Variants in NEK5 observed in about 807,000 individuals in gnomAD.
NEK5 encodes serine/threonine-protein kinase Nek5.
In NEK5, 88 loss-of-function variants were observed where a neutral mutation model predicts 109.2. The ratio of observed to expected loss-of-function variants is 0.81; its 90% CI spans 0.68 to 0.96. The LOEUF is 0.96. Among genes scored for constraint, NEK5 ranks in the 40% least tolerant of loss-of-function variants. The probability of loss-of-function intolerance (pLI) is 0.00; values close to 1 mark genes in which losing one functional copy is unlikely to be tolerated. For synonymous variants in NEK5, 283 were observed against 299.9 expected (o/e 0.94, Z 0.58); for missense variants, 834 against 920.7 (o/e 0.91, Z 1.22).
intron 9 of NEK5, among the ~76,000 whole-genome samples, chr13:52,102,642 G>A (rs909796945): frequency 1.3e-5 from 2 of 152,186 alleles, no homozygotes; most frequent in African/African-American, 4.8e-5. Context: ...GCAGTAAGCC[G>A]TGATTGCGTC....
At chr13:52,075,715 T>C (rs747644719) in intron 19 of NEK5, 43 bp downstream of exon 19, 1 of 1,202,534 alleles carries the variant, frequency 8.3e-7, no homozygotes, top group Non-Finnish European at 1.2e-6. Flanking sequence ...GATATATGCA[T>C]TTTCTGATAC....
chr13:52,093,246 CAA>C lies in NEK5; in HGVS notation c.1027-13_1027-12del, dbSNP rs757053932. Reference sequence around the variant, plus strand: ...TTCTATCATTTTTATCTGAAGAAAACAAGAGGGGATGTTTTTAAAAACCATAA... The same window carrying C: ...TTCTATCATTTTTATCTGAAGAAAACGAGGGGATGTTTTTAAAAACCATAA... On this transcript the variant is annotated splice_polypyrimidine_tract_variant and intron_variant, in intron 12 of 23. Transcript: ENST00000684899. 8.1e-6 allele frequency: 13 copies of C among 1,602,552 alleles called. No homozygotes were observed. The South Asian group carries it at 1.2e-4, about 15-fold the overall frequency.
intron 19 of NEK5, among the ~76,000 whole-genome samples, chr13:52,073,122 GT>G (rs1239498592): frequency 6.6e-6 from 1 of 152,164 alleles, no homozygotes; most frequent in African/African-American, 2.4e-5. Flanking sequence ...CAGTATATTA[GT>G]TGTTGACAAT....
At chr13:52,053,301 T>TA (rs745898906) in intron 22 of NEK5, among the ~76,000 whole-genome samples, 2 of 151,790 alleles carry the variant, frequency 1.3e-5, no homozygotes, top group African/African-American at 2.4e-5. Context: ...AATAAATAAA[T>TA]AAATAAAATA....
chr13:52,119,733 G>A (rs1215837528), intron 3 of NEK5, among the ~76,000 whole-genome samples: 4 of 152,182 alleles, frequency 2.6e-5, no homozygotes, highest in South Asian at 2.1e-4. Flanking sequence ...TTTCAGTAGC[G>A]AAGGAATTCT....
chr13:52,084,760 AGAGTGTGTGTGTGTGT>A (rs1955100529), intron 16 of NEK5, among the ~76,000 whole-genome samples: 7 of 36,660 alleles, frequency 1.9e-4, no homozygotes, highest in South Asian at 9.2e-4. Flanking sequence ...AGAGAGAGAG[AGAGTGTGTGTGTGTGT>A]GTGTGTGTGT....
intron 5 of NEK5, 39 bp from the exon 6 acceptor site, chr13:52,110,616 G>T (rs1419713560): frequency 1.6e-6 from 2 of 1,247,030 alleles, no homozygotes; most frequent in Non-Finnish European, 2.3e-6. Context: ...TGAATAGCCT[G>T]GTAGTCACTG....
intron 16 of NEK5, among the ~76,000 whole-genome samples, chr13:52,083,779 G>T (rs1023852980): frequency 6.6e-6 from 1 of 152,050 alleles, no homozygotes; most frequent in African/African-American, 2.4e-5. Flanking sequence ...CTCGTGATCC[G>T]CCCACCTCAG....
At chr13:52,067,673 G>A (rs988390771) in intron 20 of NEK5, among the ~76,000 whole-genome samples, 5 of 130,062 alleles carry the variant, frequency 3.8e-5, no homozygotes, top group East Asian at 2.3e-4. Flanking sequence ...TTTACACCAC[G>A]TCATTTTTTT....
At chr13:52,079,829 C>T (rs776431800) in intron 17 of NEK5, among the ~76,000 whole-genome samples, 2,201 of 140,586 alleles carry the variant, frequency 0.016, 15 homozygotes, top group Non-Finnish European at 0.023. Flanking sequence ...GTCTCTGCCC[C>T]GCCGCCATCC....
At chr13:52,043,046 T>C (rs1954426895) in intron 23 of NEK5, among the ~76,000 whole-genome samples, 1 of 150,422 alleles carries the variant, frequency 6.6e-6, no homozygotes, top group African/African-American at 2.4e-5. Context: ...CATAACAAAA[T>C]CACAAAGAAA....
intron 17 of NEK5, among the ~76,000 whole-genome samples, chr13:52,080,695 ATGCTCG>A (rs1409684184): frequency 6.6e-6 from 1 of 152,064 alleles, no homozygotes; most frequent in Non-Finnish European, 1.5e-5. Flanking sequence ...TGAAGGCAGC[ATGCTCG>A]TTAAGAGTCA....
chr13:52,098,855 A>G (rs973384440), intron 12 of NEK5, among the ~76,000 whole-genome samples: 5 of 152,230 alleles, frequency 3.3e-5, no homozygotes, highest in Non-Finnish European at 2.9e-5. Flanking sequence ...TGCTCAGTAC[A>G]GAATACTTCA....
chr13:52,071,036 T>A (rs1360532434), intron 20 of NEK5, among the ~76,000 whole-genome samples: 2 of 152,160 alleles, frequency 1.3e-5, no homozygotes, highest in African/African-American at 4.8e-5. Flanking sequence ...TCAATTCCCA[T>A]CTGTCTCTGA....
Position 52,112,609 on chromosome 13 carries a change from A to T in NEK5, c.215-244T>A, listed in dbSNP as rs190648864. Among the ~76,000 whole-genome samples the T allele has an allele frequency of 4.3e-4, 65 of 152,346 alleles. 1 individual carries two copies. Among genetic ancestry groups the T allele is most frequent in the Admixed American group, 4.3e-3 (65 of 15,294 alleles). ...GATTAAATGAGTTAATCCATGTCAG[A>T]TGCTTAGAATAATGCCTGTACATAA... On this transcript the variant is annotated intron_variant, in intron 4 of 23. Coordinates refer to ENST00000684899, the MANE Select transcript of NEK5 (RefSeq NM_001365552.1).
intron 5 of NEK5, among the ~76,000 whole-genome samples, chr13:52,111,907 T>C (rs1450233787): frequency 6.6e-6 from 1 of 152,064 alleles, no homozygotes. Context: ...CACCAAATGG[T>C]AAAAGAGAAA....
intron 23 of NEK5, among the ~76,000 whole-genome samples, chr13:52,048,824 G>A (rs1954479508): frequency 1.3e-5 from 2 of 152,184 alleles, no homozygotes; most frequent in South Asian, 4.1e-4. Flanking sequence ...GCTGGGGTTG[G>A]GAGAAGGTGG....
At chr13:52,127,098 T>A (rs1956077801) in intron 3 of NEK5, among the ~76,000 whole-genome samples, 1 of 152,176 alleles carries the variant, frequency 6.6e-6, no homozygotes, top group Non-Finnish European at 1.5e-5. Flanking sequence ...TTGCCCAGGC[T>A]ATCTCGAACT....
chr13:52,048,369 C>T (rs759657270), intron 23 of NEK5, among the ~76,000 whole-genome samples: 74 of 151,894 alleles, frequency 4.9e-4, no homozygotes, highest in Non-Finnish European at 9.1e-4. Flanking sequence ...CCCAGGAGTT[C>T]GAGACCAGCC....
Sources: gnomAD v4.1 joint callset for allele counts (sites outside exome capture counted in the v4.1 genomes callset) on GRCh38, gnomAD v4.1.1 for gene constraint, MANE v1.5 for transcripts, NCBI Gene and HGNC (gene_info 2026-07-23, HGNC 2026-07-21) for gene names.